Variants in UGT1A10 observed in about 807,000 individuals in gnomAD.
UGT1A10 encodes UDP glucuronosyltransferase family 1 member A10.
Under a neutral mutation model 45.8 loss-of-function variants are expected in UGT1A10, and 49 were observed. That is an observed-to-expected ratio of 1.07 (90% confidence interval 0.85 to 1.36). The LOEUF (loss-of-function observed/expected upper bound fraction) is 1.36, where lower values mean the gene tolerates loss of function less well. Among genes scored for constraint, UGT1A10 ranks in the 40% most tolerant of loss-of-function variants. The pLI is 0.00. For synonymous variants in UGT1A10, 284 were observed against 249.7 expected (o/e 1.14, Z -1.29); for missense variants, 745 against 668.6 (o/e 1.11, Z -1.26).
Position 233,655,308 on chromosome 2 carries a change from A to G in UGT1A10, c.855+17931A>G, listed in dbSNP as rs551890695. 2.6e-5 allele frequency among the ~76,000 whole-genome samples: 4 copies of G among 152,196 alleles called. No homozygotes were observed. The East Asian group carries it at 7.8e-4, about 30-fold the overall frequency. ...CAACTCTACTCCCCACTAAGTGACA[A>G]CCCATGCAGGTTTGCCCAGATTATT... is the stretch of plus-strand genomic sequence containing the variant. On this transcript the variant is annotated intron_variant, in intron 1 of 4. Coordinates refer to ENST00000344644, the MANE Select transcript of UGT1A10 (RefSeq NM_019075.4).
At chr2:233,647,176 A>G (rs995230399) in intron 1 of UGT1A10, among the ~76,000 whole-genome samples, 1 of 152,302 alleles carries the variant, frequency 6.6e-6, no homozygotes. Flanking sequence ...CAGCCCCATG[A>G]TTCAATTATC....
intron 1 of UGT1A10, among the ~76,000 whole-genome samples, chr2:233,662,370 A>C (rs1459306036): frequency 6.6e-6 from 1 of 152,188 alleles, no homozygotes; most frequent in Non-Finnish European, 1.5e-5. Context: ...GCAAATCTCC[A>C]TAACATTTTC....
At chr2:233,721,929 C>T (rs1233602775) in intron 1 of UGT1A10, 1 of 379,610 alleles carries the variant, frequency 2.6e-6, no homozygotes, top group African/African-American at 2.1e-5. Context: ...AAAGTGACAT[C>T]CTTCAGACAC....
intron 1 of UGT1A10, chr2:233,713,058 C>G: frequency 6.2e-7 from 1 of 1,614,146 alleles, no homozygotes. Flanking sequence ...CCTCAGTGTC[C>G]AGCCCTGGGC....
chr2:233,772,440 C>T lies in UGT1A10; in HGVS notation c.1474C>T (p.Leu492Phe). 3 of 1,614,194 alleles carry T rather than the reference C, an allele frequency of 1.9e-6. No individual in the cohort carries two copies. Among genetic ancestry groups the T allele is most frequent in the South Asian group, 2.2e-5 (2 of 91,088 alleles). ...CCATTCCTTGGACGTGATTGGTTTC[C>T]TCTTGGCCGTCGTGCTGACAGTGGC... ...QYHSLDVIGF[L>F]LAVVLTVAFI... is the part of the protein sequence containing the mutation. Residue 492 changes from leucine to phenylalanine, a missense_variant, in exon 5 of 5, where the codon CTC becomes TTC. Transcript: ENST00000344644.
chr2:233,675,092 A>T (rs1035687551), intron 1 of UGT1A10, among the ~76,000 whole-genome samples: 2 of 152,124 alleles, frequency 1.3e-5, no homozygotes, highest in African/African-American at 4.8e-5. Flanking sequence ...GACCCTGCAT[A>T]GGGGATTTTC....
chr2:233,696,516 CT>C (rs1314589445), intron 1 of UGT1A10, among the ~76,000 whole-genome samples: 2 of 152,156 alleles, frequency 1.3e-5, no homozygotes, highest in African/African-American at 4.8e-5. Flanking sequence ...GTTCTAACAG[CT>C]TTTGGGTGGA....
At chr2:233,703,382 A>C (rs1384920463) in intron 1 of UGT1A10, among the ~76,000 whole-genome samples, 1 of 151,458 alleles carries the variant, frequency 6.6e-6, no homozygotes, top group African/African-American at 2.4e-5. Flanking sequence ...TTTTGTCTAT[A>C]TTTTCAAATA....
chr2:233,753,719 T>C (rs1290190977), intron 1 of UGT1A10: 1 of 152,208 alleles, frequency 6.6e-6, no homozygotes, highest in Non-Finnish European at 1.5e-5. Flanking sequence ...TCAACCTAAT[T>C]TGATATGCCC....
At chr2:233,693,226 A>C in intron 1 of UGT1A10, 1 of 1,614,228 alleles carries the variant, frequency 6.2e-7, no homozygotes, top group Non-Finnish European at 8.5e-7. Flanking sequence ...AATACTACAC[A>C]AGAAAAATCT....
chr2:233,721,385 T>G (rs1270224994), intron 1 of UGT1A10: 1 of 152,820 alleles, frequency 6.5e-6, no homozygotes, highest in Admixed American at 6.5e-5. Context: ...TTCACTCTCA[T>G]TTTTCTAGCT....
At chr2:233,756,070 G>A (rs1207859334) in intron 1 of UGT1A10, 1 of 152,196 alleles carries the variant, frequency 6.6e-6, no homozygotes, top group African/African-American at 2.4e-5. Flanking sequence ...GTGGGAGAAT[G>A]ACAATGAGAA....
intron 1 of UGT1A10, among the ~76,000 whole-genome samples, chr2:233,757,587 A>G (rs1696672783): frequency 9.1e-6 from 1 of 109,366 alleles, no homozygotes; most frequent in Middle Eastern, 4.5e-3. Context: ...CTATAGTCTA[A>G]TAGCAAGGAC....
chr2:233,662,942 T>C (rs185178881), intron 1 of UGT1A10, among the ~76,000 whole-genome samples: 227 of 152,308 alleles, frequency 1.5e-3, no homozygotes, highest in South Asian at 0.013. Flanking sequence ...TAGATTTATT[T>C]TTAAAGCTTA....
chr2:233,673,550 G>A (rs1458220896), intron 1 of UGT1A10, among the ~76,000 whole-genome samples: 1 of 151,978 alleles, frequency 6.6e-6, no homozygotes, highest in Non-Finnish European at 1.5e-5. Context: ...AGAAGGATTG[G>A]CATTTTTTTG....
chr2:233,738,565 G>A (rs1000487270), intron 1 of UGT1A10, among the ~76,000 whole-genome samples: 1 of 152,204 alleles, frequency 6.6e-6, no homozygotes, highest in African/African-American at 2.4e-5. Context: ...TGAGGAATCT[G>A]TTGAGAACTG....
At chr2:233,721,693 G>A (rs905890959) in intron 1 of UGT1A10, 13 of 351,018 alleles carry the variant, frequency 3.7e-5, no homozygotes, top group African/African-American at 6.4e-5. Context: ...TCTGCAAGAC[G>A]CATGGCTCAT....
rs773612653 is a variant in UGT1A10 at position 233,729,922 on chromosome 2, C to A, written c.856-37112C>A. 11 of 1,614,018 alleles carry A rather than the reference C, an allele frequency of 6.8e-6. No individual in the cohort carries two copies. The South Asian group carries it at 9.9e-5, about 15-fold the overall frequency. ...CCGAGGGGACTTTGTGATGGACTAC[C>A]CCAGGCCAATCATGCCCAACATGGT... On this transcript the variant is annotated intron_variant, in intron 1 of 4. Transcript: ENST00000344644.
chr2:233,658,018 CTTTT>C (rs34352422), intron 1 of UGT1A10, among the ~76,000 whole-genome samples: 21 of 128,050 alleles, frequency 1.6e-4, no homozygotes, highest in African/African-American at 2.6e-4. Flanking sequence ...GTTTCCTCCT[CTTTT>C]TTTTTTTTTT....
Sources: gnomAD v4.1 joint callset for allele counts (sites outside exome capture counted in the v4.1 genomes callset) on GRCh38, gnomAD v4.1.1 for gene constraint, MANE v1.5 for transcripts, NCBI Gene and HGNC (gene_info 2026-07-23, HGNC 2026-07-21) for gene names.